Variants in VPS35L observed in about 807,000 individuals in gnomAD.
The protein encoded by VPS35L is VPS35 endosomal protein-sorting factor-like.
In VPS35L, 83 loss-of-function variants were observed where a neutral mutation model predicts 133.0. The observed-to-expected ratio is 0.62, with a 90% CI of 0.52 to 0.75. The LOEUF (loss-of-function observed/expected upper bound fraction) is 0.75, where lower values mean the gene tolerates loss of function less well. Among genes scored for constraint, VPS35L ranks in the 30% least tolerant of loss-of-function variants. VPS35L has a pLI of 0.00. For synonymous variants in VPS35L, 423 were observed against 449.9 expected (o/e 0.94, Z 0.76); for missense variants, 1,083 against 1,206.8 (o/e 0.90, Z 1.52).
intron 21 of VPS35L, 98 bp from the exon 22 acceptor site, chr16:19,642,298 G>A: frequency 1.1e-6 from 1 of 952,206 alleles, no homozygotes. Flanking sequence ...TGGATAATTT[G>A]CTGCTTTTCA....
intron 26 of VPS35L, among the ~76,000 whole-genome samples, chr16:19,664,849 G>A (rs1460830180): frequency 6.6e-6 from 1 of 150,978 alleles, no homozygotes; most frequent in African/African-American, 2.4e-5. Flanking sequence ...GCAGTGAGCT[G>A]AGATCACATC....
intron 9 of VPS35L, among the ~76,000 whole-genome samples, chr16:19,605,678 A>G (rs572570223): frequency 6.6e-6 from 1 of 152,314 alleles, no homozygotes; most frequent in East Asian, 1.9e-4. Context: ...CTCAGCTCAA[A>G]TGCTGCCTCT....
intron 24 of VPS35L, among the ~76,000 whole-genome samples, chr16:19,648,230 G>T (rs1445804510): frequency 6.6e-6 from 1 of 152,108 alleles, no homozygotes; most frequent in Non-Finnish European, 1.5e-5. Context: ...CTCCCAAAAT[G>T]CTGGGATTAC....
intron 2 of VPS35L, among the ~76,000 whole-genome samples, chr16:19,568,444 T>G (rs982371264): frequency 6.6e-5 from 10 of 150,754 alleles, no homozygotes; most frequent in Non-Finnish European, 1.0e-4. Context: ...TGCATAGGCA[T>G]GATTGATTAT....
chr16:19,633,077 C>CT lies in VPS35L; in HGVS notation c.1555-10dup. 6.2e-7 allele frequency: 1 copy of CT among 1,613,492 alleles called. No individual in the cohort carries two copies. The highest frequency in any genetic ancestry group is 8.5e-7 in the Non-Finnish European group (1 of 1,179,496). ...ACAGTGTCTAATTCAGGTTTGGTTC[C>CT]TTTTTCCTGCTTAGAAACGAGAGGT... On this transcript the variant is annotated splice_polypyrimidine_tract_variant and intron_variant, in intron 18 of 30. Coordinates refer to ENST00000417362, the MANE Select transcript of VPS35L (RefSeq NM_020314.7). The surrounding 1 kb of genome is among the most constrained non-coding windows in gnomAD (Gnocchi z 4.1).
intron 16 of VPS35L, among the ~76,000 whole-genome samples, chr16:19,628,040 G>A (rs780397376): frequency 1.4e-4 from 21 of 152,142 alleles, no homozygotes; most frequent in Non-Finnish European, 2.6e-4. Context: ...TCACTATGAA[G>A]GATTTAAGAA....
Position 19,640,062 on chromosome 16 carries a change from G to A in VPS35L, c.1746G>A (p.Arg582=). The A allele has an allele frequency of 3.7e-6, 6 of 1,614,224 alleles. No homozygotes were observed. The highest frequency in any genetic ancestry group is 5.1e-6 in the Non-Finnish European group (6 of 1,180,036). ...ACATGTTCCAAAAAGAGAGTGTGCG[G>A]GTGGAGGTTTGCAAATGCATCATGG... ...FLDMFQKESV[R]VEVCKCIMDA... The change falls in exon 21 of 31, where the codon CGG becomes CGA. Residue 582 remains arginine (R), a synonymous_variant. Transcript: ENST00000417362.
At chr16:19,672,871 AG>A (rs1245651462) in intron 27 of VPS35L, among the ~76,000 whole-genome samples, 1 of 152,248 alleles carries the variant, frequency 6.6e-6, no homozygotes, top group Non-Finnish European at 1.5e-5. Context: ...GAAAAAAATC[AG>A]GGTTTTGAAT....
chr16:19,622,928 G>A (rs974032472), intron 14 of VPS35L, among the ~76,000 whole-genome samples: 5 of 152,112 alleles, frequency 3.3e-5, no homozygotes, highest in Non-Finnish European at 7.4e-5. Context: ...ACAACAAGTG[G>A]AGGCTCTCGG....
intron 19 of VPS35L, among the ~76,000 whole-genome samples, 158 bp from the exon 20 acceptor site, chr16:19,637,436 C>A (rs993885094): frequency 2.0e-5 from 3 of 152,054 alleles, no homozygotes; most frequent in Non-Finnish European, 4.4e-5. Flanking sequence ...ATTTGTTGAA[C>A]AATCCAGGCT....
At chr16:19,592,471 C>T (rs934964074) in intron 8 of VPS35L, among the ~76,000 whole-genome samples, 41 of 152,204 alleles carry the variant, frequency 2.7e-4, no homozygotes, top group Middle Eastern at 3.4e-3. Context: ...CTTGCCGTCT[C>T]ACAGGCACCT....
intron 27 of VPS35L, among the ~76,000 whole-genome samples, chr16:19,680,247 C>CTGT (rs1232472250): frequency 6.6e-6 from 1 of 152,188 alleles, no homozygotes; most frequent in Non-Finnish European, 1.5e-5. Context: ...TTAATATTAG[C>CTGT]TGTTGTTGTT....
In VPS35L at chr16:19,700,590, A is replaced by C. The variant is rs1414974593; in HGVS notation, c.*114A>C. The C allele has an allele frequency of 4.8e-5, 41 of 853,602 alleles. No individual in the cohort carries two copies. Among genetic ancestry groups the C allele is most frequent in the Non-Finnish European group, 7.3e-5 (39 of 536,650 alleles). The allele number at this position is 853,602 out of a possible 1,614,324, so 52.9% of individuals were successfully genotyped here. Reference sequence around the variant, plus strand: ...TTTCTCATTTTTCTTTTCTTTTTACATATGTACAAATTGTTTTAAGCTTTG... The same window carrying C: ...TTTCTCATTTTTCTTTTCTTTTTACCTATGTACAAATTGTTTTAAGCTTTG... On this transcript the variant is annotated 3_prime_UTR_variant, in exon 31 of 31. Coordinates refer to ENST00000417362, the MANE Select transcript of VPS35L (RefSeq NM_020314.7).
At chr16:19,656,223 C>T (rs557750760) in intron 26 of VPS35L, among the ~76,000 whole-genome samples, 1 of 146,120 alleles carries the variant, frequency 6.8e-6, no homozygotes, top group African/African-American at 2.6e-5. Flanking sequence ...AAGATATCAC[C>T]ACTGCACTCC....
At chr16:19,668,745 T>G (rs1974777623) in intron 26 of VPS35L, among the ~76,000 whole-genome samples, 1 of 152,204 alleles carries the variant, frequency 6.6e-6, no homozygotes, top group Non-Finnish European at 1.5e-5. Context: ...CACAGGACAC[T>G]GTTGCAGGAT....
At chr16:19,587,070 C>T (rs923909880) in intron 7 of VPS35L, among the ~76,000 whole-genome samples, 1 of 151,728 alleles carries the variant, frequency 6.6e-6, no homozygotes, top group Non-Finnish European at 1.5e-5. Context: ...GCAGGTACAT[C>T]TTTCCATAGC....
chr16:19,695,554 C>T (rs1303007520), intron 29 of VPS35L, among the ~76,000 whole-genome samples: 1 of 152,158 alleles, frequency 6.6e-6, no homozygotes, highest in African/African-American at 2.4e-5. Flanking sequence ...TGGCTCATGC[C>T]TGTAATCCCA....
chr16:19,555,774 G>C, intron 1 of VPS35L, 28 bp downstream of exon 1: 2 of 1,561,782 alleles, frequency 1.3e-6, no homozygotes, highest in Non-Finnish European at 1.7e-6. Flanking sequence ...GGTGGGCTTT[G>C]GAGAGGGGCT....
intron 8 of VPS35L, among the ~76,000 whole-genome samples, chr16:19,595,788 G>A (rs1339378760): frequency 6.6e-6 from 1 of 152,216 alleles, no homozygotes; most frequent in Non-Finnish European, 1.5e-5. Flanking sequence ...CTGGGAGTTG[G>A]GAACAGCAGT....
Sources: allele counts gnomAD v4.1 joint callset (sites outside exome capture counted in the v4.1 genomes callset), GRCh38; gene constraint gnomAD v4.1.1; non-coding constraint Gnocchi (gnomAD v3.1); transcripts MANE v1.5; gene names NCBI Gene and HGNC (gene_info 2026-07-23, HGNC 2026-07-21).